RSF1: variants seen among roughly 807,000 people sequenced by gnomAD.
The protein encoded by RSF1 is HBV pX-associated protein 8.
In RSF1, 13 loss-of-function variants were observed where a neutral mutation model predicts 145.2. The ratio of observed to expected loss-of-function variants is 0.09; its 90% CI spans 0.06 to 0.14. The LOEUF (loss-of-function observed/expected upper bound fraction) is 0.14, where lower values mean the gene tolerates loss of function less well. RSF1 is among the 10% of genes least tolerant of loss of function. RSF1 has a pLI of 1.00. For missense variants in RSF1, 1,517 were observed against 1,718.2 expected, an observed-to-expected ratio of 0.88 and a Z score of 2.07; for synonymous variants, 577 against 592.6, an observed-to-expected ratio of 0.97 and a Z score of 0.38.
intron 13 of RSF1, among the ~76,000 whole-genome samples, chr11:77,675,913 A>C (rs139691614): frequency 6.6e-6 from 1 of 152,226 alleles, no homozygotes. Flanking sequence ...TTCAGGATAA[A>C]GTCAAAACAC....
chr11:77,827,041 G>A, the RSF1 span, among the ~76,000 whole-genome samples: 1 of 152,168 alleles, frequency 6.6e-6, no homozygotes, highest in Admixed American at 6.5e-5. Context: ...GGAGGCAGAG[G>A]TTGCAGTGAG....
chr11:77,720,494 G>A (rs1960917800), intron 5 of RSF1, among the ~76,000 whole-genome samples: 1 of 152,072 alleles, frequency 6.6e-6, no homozygotes, highest in Non-Finnish European at 1.5e-5. Flanking sequence ...TTAAGACAAT[G>A]GATCTTAAAC....
chr11:77,724,371 T>G (rs1961004178), intron 5 of RSF1, among the ~76,000 whole-genome samples: 1 of 152,134 alleles, frequency 6.6e-6, no homozygotes, highest in African/African-American at 2.4e-5. Context: ...GCAATTCCAC[T>G]TCTGGATTAA....
chr11:77,763,491 T>C (rs536730065), intron 2 of RSF1: 1 of 152,156 alleles, frequency 6.6e-6, no homozygotes, highest in East Asian at 1.9e-4. Flanking sequence ...TTTTTAGCAA[T>C]GTGAGACCAG....
intron 1 of RSF1, among the ~76,000 whole-genome samples, chr11:77,805,673 C>T (rs984214424): frequency 1.3e-5 from 2 of 152,108 alleles, no homozygotes; most frequent in Non-Finnish European, 2.9e-5. Flanking sequence ...CAACTTAATT[C>T]ACAAAAACAA....
chr11:77,838,220 G>GTTTGCGTGTT, the RSF1 span, among the ~76,000 whole-genome samples: 1 of 152,082 alleles, frequency 6.6e-6, no homozygotes, highest in East Asian at 1.9e-4. Flanking sequence ...GATGTAGACT[G>GTTTGCGTGTT]TGACTGTTAG....
intron 2 of RSF1, among the ~76,000 whole-genome samples, chr11:77,760,718 T>C (rs1485087157): frequency 6.6e-6 from 1 of 152,230 alleles, no homozygotes; most frequent in African/African-American, 2.4e-5. Flanking sequence ...GTGACCTTTA[T>C]GATTTGTTAA....
intron 5 of RSF1, chr11:77,718,521 A>T (rs551833869): frequency 6.6e-6 from 1 of 152,296 alleles, no homozygotes; most frequent in South Asian, 2.1e-4. Flanking sequence ...TGTGTCCCCC[A>T]CAAATTCATA....
At chr11:77,755,923 C>T (rs1309038801) in intron 2 of RSF1, among the ~76,000 whole-genome samples, 1 of 152,030 alleles carries the variant, frequency 6.6e-6, no homozygotes, top group African/African-American at 2.4e-5. Flanking sequence ...TATTCATATC[C>T]CTTGACAAAG....
intron 5 of RSF1, among the ~76,000 whole-genome samples, chr11:77,720,657 G>A (rs566519571): frequency 3.3e-5 from 5 of 152,194 alleles, no homozygotes; most frequent in African/African-American, 1.2e-4. Flanking sequence ...TAAAGTTTCA[G>A]ATGTTCCTTG....
intron 1 of RSF1, chr11:77,813,844 C>A (rs1948756077): frequency 4.9e-6 from 1 of 204,846 alleles, no homozygotes; most frequent in South Asian, 8.8e-5. Flanking sequence ...CACACACACA[C>A]ACACACACAC....
chr11:77,783,696 G>C lies in RSF1; in HGVS notation c.188-19007C>G, dbSNP rs1948427007. The stretch of plus-strand genomic sequence containing the variant: ...GTCTCTACAAAAAATTAAAAAATTA[G>C]CCAGGCATAATGGTGTGCGTCAGGA... On this transcript the variant is annotated intron_variant, in intron 1 of 15. Coordinates refer to ENST00000308488, the MANE Select transcript of RSF1 (RefSeq NM_016578.4). 5.9e-5 allele frequency among the ~76,000 whole-genome samples: 9 copies of C among 152,128 alleles called. 1 individual carries two copies. In the South Asian group the frequency reaches 1.9e-3, roughly 32 times the overall value.
chr11:77,850,672 T>A, the RSF1 span: 1 of 152,172 alleles, frequency 6.6e-6, no homozygotes, highest in Admixed American at 6.5e-5. Flanking sequence ...AGAATAGTTA[T>A]GTGAATAATA....
chr11:77,720,137 T>C (rs1205803195), intron 5 of RSF1, among the ~76,000 whole-genome samples: 1 of 152,198 alleles, frequency 6.6e-6, no homozygotes, highest in East Asian at 1.9e-4. Flanking sequence ...AAAGCAGCAC[T>C]GTAGAAACCA....
intron 9 of RSF1, among the ~76,000 whole-genome samples, chr11:77,690,295 A>G (rs1422619858): frequency 1.3e-5 from 2 of 152,120 alleles, no homozygotes; most frequent in Non-Finnish European, 2.9e-5. Context: ...TATTTCACCA[A>G]TGTTAGCTGC....
At chr11:77,832,045 ACTGTT>A in the RSF1 span, 2 of 151,296 alleles carry the variant, frequency 1.3e-5, no homozygotes, top group Non-Finnish European at 2.9e-5. Flanking sequence ...AAATTATGTC[ACTGTT>A]CTGTTGACAA....
chr11:77,800,768 G>T (rs941778326), intron 1 of RSF1, among the ~76,000 whole-genome samples: 2 of 152,108 alleles, frequency 1.3e-5, no homozygotes, highest in Non-Finnish European at 2.9e-5. Flanking sequence ...AGGCTGAGAT[G>T]GGAAGACAGC....
At chr11:77,674,202 A>G (rs1959630285) in intron 14 of RSF1, among the ~76,000 whole-genome samples, 1 of 152,202 alleles carries the variant, frequency 6.6e-6, no homozygotes, top group Admixed American at 6.5e-5. Flanking sequence ...AAAAAGATAA[A>G]TAAAACCAAA....
chr11:77,716,636 A>C (rs1448572294), intron 5 of RSF1, among the ~76,000 whole-genome samples: 1 of 152,192 alleles, frequency 6.6e-6, no homozygotes, highest in African/African-American at 2.4e-5. Context: ...GCTGGTCAAA[A>C]GATAAAAACT....
Sources: allele counts gnomAD v4.1 joint callset (sites outside exome capture counted in the v4.1 genomes callset), GRCh38; gene constraint gnomAD v4.1.1; transcripts MANE v1.5; gene names NCBI Gene and HGNC (gene_info 2026-07-23, HGNC 2026-07-21).